The following SORL1 variants were observed in gnomAD, a reference collection of about 807,000 sequenced individuals.
SORL1 encodes the protein sortilin related receptor 1, also known as sortilin-related receptor.
Under a neutral mutation model 273.7 loss-of-function variants are expected in SORL1, and 127 were observed. The ratio of observed to expected loss-of-function variants is 0.46; its 90% CI spans 0.40 to 0.54. The LOEUF is 0.54. Ranked by LOEUF, SORL1 falls within the 20% of genes least tolerant of loss-of-function variation. SORL1 has a pLI of 0.00. For missense variants in SORL1, 2,494 were observed against 2,846.1 expected (o/e 0.88, Z 2.81); for synonymous variants, 1,031 against 1,067.4 (o/e 0.97, Z 0.66).
intron 8 of SORL1, among the ~76,000 whole-genome samples, chr11:121,516,389 T>C (rs1219896549): frequency 6.6e-6 from 1 of 152,180 alleles, no homozygotes; most frequent in African/African-American, 2.4e-5. Flanking sequence ...GGACTGCTAC[T>C]GCTTCACCCG....
At chr11:121,575,416 G>A (rs747942835) in intron 24 of SORL1, among the ~76,000 whole-genome samples, 2 of 152,278 alleles carry the variant, frequency 1.3e-5, no homozygotes, top group Non-Finnish European at 2.9e-5. Context: ...TGACCCAGAC[G>A]TGGTGATGAG....
intron 12 of SORL1, among the ~76,000 whole-genome samples, chr11:121,536,576 C>CTT (rs147632353): frequency 2.7e-4 from 38 of 142,910 alleles, no homozygotes; most frequent in Middle Eastern, 3.7e-3. Context: ...ATTTTTATAT[C>CTT]TTTTTTTTTT....
chr11:121,584,223 A>G (rs901047654), intron 26 of SORL1, among the ~76,000 whole-genome samples: 1 of 152,166 alleles, frequency 6.6e-6, no homozygotes, highest in African/African-American at 2.4e-5. Flanking sequence ...TCTGTTACCA[A>G]ATTGGGTTTC....
chr11:121,489,112 G>C (rs1224209821), intron 4 of SORL1, among the ~76,000 whole-genome samples: 2 of 152,242 alleles, frequency 1.3e-5, no homozygotes, highest in South Asian at 4.2e-4. Flanking sequence ...CATTGCCACA[G>C]CCGTGTATTC....
chr11:121,553,355 T>C (rs986321630), intron 16 of SORL1, among the ~76,000 whole-genome samples: 2 of 152,248 alleles, frequency 1.3e-5, no homozygotes, highest in African/African-American at 4.8e-5. Context: ...AACAGAATTT[T>C]TGTGGTGATT....
chr11:121,570,710 A>G (rs541500867), intron 23 of SORL1, among the ~76,000 whole-genome samples: 9 of 152,302 alleles, frequency 5.9e-5, no homozygotes, highest in African/African-American at 2.2e-4. Context: ...GATGTTGGCT[A>G]CCTACCAGGC....
intron 5 of SORL1, among the ~76,000 whole-genome samples, chr11:121,490,990 CT>C (rs1160226689): frequency 6.6e-6 from 1 of 152,096 alleles, no homozygotes; most frequent in Admixed American, 6.6e-5. Flanking sequence ...TCATAAACAG[CT>C]GTGTAGAGGA....
In SORL1 at chr11:121,619,040, A is replaced by G. The variant is rs1220084410; in HGVS notation, c.5724+147A>G. 1.6e-5 allele frequency: 13 copies of G among 817,450 alleles called. No homozygotes were observed. The East Asian group carries it at 3.3e-4, about 21-fold the overall frequency. 50.6% of individuals were successfully genotyped at this position (817,450 alleles called of 1,614,324 possible). On this transcript the variant is annotated intron_variant, in intron 42 of 47. Transcript: ENST00000260197. ...CAACTTCCTCTTCTTCATAAGCATC[A>G]TCAGGTTCTTGCTTGAAATACAGAA... is the stretch of plus-strand genomic sequence containing the variant.
intron 41 of SORL1, among the ~76,000 whole-genome samples, chr11:121,616,231 T>C (rs1863638351): frequency 6.6e-6 from 1 of 152,316 alleles, no homozygotes; most frequent in East Asian, 1.9e-4. Flanking sequence ...GGGTCTCCAA[T>C]TGTGCATGAA....
At chr11:121,622,415 A>C (rs1013746694) in intron 45 of SORL1, 147 bp downstream of exon 45, 11 of 570,364 alleles carry the variant, frequency 1.9e-5, no homozygotes, top group Non-Finnish European at 3.4e-5. Flanking sequence ...TGAGAATTAA[A>C]GGACCATTTT....
intron 35 of SORL1, among the ~76,000 whole-genome samples, chr11:121,606,462 T>TAGTCATGCCCACAGTAC (rs1863474432): frequency 6.6e-6 from 1 of 152,218 alleles, no homozygotes; most frequent in Non-Finnish European, 1.5e-5. Flanking sequence ...TATTTTTTGG[T>TAGTCATGCCCACAGTAC]AGTCATGCCC....
In SORL1 at chr11:121,606,956, T is replaced by C. The variant is rs1244550324; in HGVS notation, c.5060T>C (p.Ile1687Thr). Reference protein sequence around the residue: ...IHTHGLIREYIVEYSRSGSKM... With the variant: ...IHTHGLIREYTVEYSRSGSKM... ...ACCCATGGCCTCATCCGTGAGTACATTGTAAGTACCTTCCATGAGTTGGCT... is the reference window on the plus strand; with the variant it reads ...ACCCATGGCCTCATCCGTGAGTACACTGTAAGTACCTTCCATGAGTTGGCT... The change falls in exon 36 of 48, where the codon ATT becomes ACT. Residue 1687 changes from isoleucine (I) to threonine (T), a missense_variant and splice_region_variant. Coordinates refer to ENST00000260197, the MANE Select transcript of SORL1 (RefSeq NM_003105.6). The C allele has an allele frequency of 1.9e-6, 3 of 1,603,946 alleles. No homozygotes were observed. Among genetic ancestry groups the C allele is most frequent in the African/African-American group, 1.3e-5 (1 of 74,720 alleles).
chr11:121,494,064 T>C (rs549877122), intron 5 of SORL1, among the ~76,000 whole-genome samples: 2 of 152,340 alleles, frequency 1.3e-5, no homozygotes, highest in East Asian at 3.9e-4. Flanking sequence ...ATTTGAATTT[T>C]AAGGGGAAAA....
intron 6 of SORL1, among the ~76,000 whole-genome samples, chr11:121,499,785 A>T (rs2134826982): frequency 6.6e-6 from 1 of 152,344 alleles, no homozygotes; most frequent in Admixed American, 6.5e-5. Flanking sequence ...GAGCTTGGGA[A>T]ATTCCAGCTG....
chr11:121,572,718 C>T (rs1400632148), intron 23 of SORL1, among the ~76,000 whole-genome samples: 1 of 152,040 alleles, frequency 6.6e-6, no homozygotes, highest in Non-Finnish European at 1.5e-5. Context: ...GGGGGGACAC[C>T]GGGATGCAGG....
chr11:121,453,219 C>T (rs1485010942), intron 1 of SORL1, among the ~76,000 whole-genome samples: 1 of 152,154 alleles, frequency 6.6e-6, no homozygotes, highest in Non-Finnish European at 1.5e-5. Flanking sequence ...CTGACTCTCC[C>T]ACCCCCGTCA....
chr11:121,615,058 G>A lies in SORL1; in HGVS notation c.5604+3G>A, dbSNP rs1270695979. The A allele has an allele frequency of 1.9e-6, 3 of 1,588,724 alleles. No homozygotes were observed. Among genetic ancestry groups the A allele is most frequent in the African/African-American group, 2.7e-5 (2 of 74,074 alleles). On this transcript the variant is annotated splice_donor_region_variant and intron_variant, in intron 41 of 47. Coordinates refer to ENST00000260197, the MANE Select transcript of SORL1 (RefSeq NM_003105.6). ...CCTGGACCGGCCCCCGGAATGTGGT[G>A]AGTCAGCCAGAATGACCATCACAAA...
intron 11 of SORL1, among the ~76,000 whole-genome samples, chr11:121,523,224 T>A (rs1862067473): frequency 6.6e-6 from 1 of 152,236 alleles, no homozygotes; most frequent in Non-Finnish European, 1.5e-5. Flanking sequence ...TCTAAGATTA[T>A]GAGTTCTATG....
At chr11:121,604,041 T>A in intron 32 of SORL1, 152 bp from the exon 33 acceptor site, 1 of 917,602 alleles carries the variant, frequency 1.1e-6, no homozygotes, top group Non-Finnish European at 1.6e-6. Context: ...GGCACCTTAG[T>A]GCCGGTATAG....
Sources: gnomAD v4.1 joint callset for allele counts (sites outside exome capture counted in the v4.1 genomes callset) on GRCh38, gnomAD v4.1.1 for gene constraint, MANE v1.5 for transcripts, NCBI Gene and HGNC (gene_info 2026-07-23, HGNC 2026-07-21) for gene names.